The following IL1RAP variants were observed in gnomAD, a reference collection of about 807,000 sequenced individuals.
The protein encoded by IL1RAP is interleukin-1 receptor accessory protein.
A neutral mutation model predicts 60.7 loss-of-function variants in IL1RAP; 35 were observed. That is an observed-to-expected ratio of 0.58 (90% CI 0.44 to 0.76). The LOEUF is 0.76. Ranked by LOEUF, IL1RAP falls within the 30% of genes least tolerant of loss-of-function variation. The probability of loss-of-function intolerance (pLI) is 0.00; values close to 1 mark genes in which losing one functional copy is unlikely to be tolerated. For missense variants in IL1RAP, 572 were observed against 693.9 expected, an observed-to-expected ratio of 0.82 and a Z score of 1.97; for synonymous variants, 268 against 250.9, an observed-to-expected ratio of 1.07 and a Z score of -0.64.
intron 1 of IL1RAP, among the ~76,000 whole-genome samples, chr3:190,529,500 C>A (rs1396866341): frequency 6.6e-6 from 1 of 151,986 alleles, no homozygotes. Context: ...ATCTGGCCAA[C>A]ATGGTGAAAC....
At chr3:190,564,832 T>C (rs1726233417) in intron 3 of IL1RAP, among the ~76,000 whole-genome samples, 1 of 152,170 alleles carries the variant, frequency 6.6e-6, no homozygotes, top group African/African-American at 2.4e-5. Context: ...ATTCTTTCTC[T>C]GGATGTTGCT....
intron 1 of IL1RAP, among the ~76,000 whole-genome samples, chr3:190,532,326 C>G (rs1451163663): frequency 6.7e-6 from 1 of 149,502 alleles, no homozygotes; most frequent in Non-Finnish European, 1.5e-5. Context: ...GCAGTGGCAC[C>G]ATCTCGGCTC....
At chr3:190,518,795 T>C (rs556080980) in intron 1 of IL1RAP, 1 of 152,356 alleles carries the variant, frequency 6.6e-6, no homozygotes, top group Non-Finnish European at 1.5e-5. Context: ...GAGAATAGCA[T>C]GGGACAGACC....
chr3:190,568,975 A>C (rs1419024865), intron 3 of IL1RAP, among the ~76,000 whole-genome samples: 1 of 152,242 alleles, frequency 6.6e-6, no homozygotes, highest in African/African-American at 2.4e-5. Context: ...ATTCCGTGAG[A>C]GCAGAGAAAG....
intron 3 of IL1RAP, among the ~76,000 whole-genome samples, chr3:190,577,765 C>T (rs928139441): frequency 6.6e-6 from 1 of 152,056 alleles, no homozygotes; most frequent in African/African-American, 2.4e-5. Flanking sequence ...TTCCTGGCCT[C>T]AGGAGATCCT....
chr3:190,556,319 G>A (rs1405073925), intron 2 of IL1RAP, 103 bp downstream of exon 2: 1 of 151,724 alleles, frequency 6.6e-6, no homozygotes, highest in Non-Finnish European at 1.5e-5. Flanking sequence ...ACAAAACCAA[G>A]CAAAAACTTT....
chr3:190,636,479 T>C (rs928873194), intron 9 of IL1RAP, among the ~76,000 whole-genome samples: 1 of 152,156 alleles, frequency 6.6e-6, no homozygotes, highest in African/African-American at 2.4e-5. Flanking sequence ...TCTCTGTTAA[T>C]ACTCTGTGTC....
downstream of IL1RAP, among the ~76,000 whole-genome samples, chr3:190,653,074 T>C (rs1230628309): frequency 1.3e-5 from 2 of 152,232 alleles, no homozygotes; most frequent in East Asian, 3.8e-4. Context: ...AGTTAGGAGA[T>C]GGAGTGTTTT....
chr3:190,654,881 A>T (rs1156784977), downstream of IL1RAP, among the ~76,000 whole-genome samples: 1 of 152,212 alleles, frequency 6.6e-6, no homozygotes, highest in East Asian at 1.9e-4. Context: ...TAAGCATTAC[A>T]TTTATTTGAA....
Position 190,575,527 on chromosome 3 carries a change from T to C in IL1RAP, c.64+11174T>C, listed in dbSNP as rs571903392. ...ATCTATTAAAGAATATGCTATTTAA[T>C]TGAGAATTGAGGGATGAGAAAGAGC... On this transcript the variant is annotated intron_variant, in intron 3 of 11. Transcript: ENST00000447382. Among the ~76,000 whole-genome samples the C allele has an allele frequency of 5.3e-5, 8 of 152,318 alleles. No homozygotes were observed. The South Asian group carries it at 1.4e-3, about 28-fold the overall frequency.
At chr3:190,629,907 A>C in intron 9 of IL1RAP, 1 of 963,420 alleles carries the variant, frequency 1.0e-6, no homozygotes, top group Non-Finnish European at 1.2e-6. Context: ...GTCATAAAAA[A>C]GATTGCATCA....
chr3:190,527,958 TTCTC>T lies in IL1RAP; in HGVS notation c.-89+13745_-89+13748del, dbSNP rs563411832. 2.0e-3 allele frequency among the ~76,000 whole-genome samples: 307 copies of T among 152,166 alleles called. 2 individuals are homozygous for T. Among genetic ancestry groups the T allele is most frequent in the Non-Finnish European group, 3.5e-3 (235 of 67,992 alleles). On this transcript the variant is annotated intron_variant, in intron 1 of 11. Coordinates refer to ENST00000447382, the MANE Select transcript of IL1RAP (RefSeq NM_002182.4). Reference sequence around the variant, plus strand: ...AATAAATGCATTTCCTTTTTCATCTTTCTCTCTCTGAGAATGGGAACTGCTGCAG... The same window carrying T: ...AATAAATGCATTTCCTTTTTCATCTTTCTCTGAGAATGGGAACTGCTGCAG...
exon 12 of IL1RAP, chr3:190,658,146 T>TC (rs1734676406): frequency 6.8e-6 from 1 of 146,222 alleles, no homozygotes; most frequent in Non-Finnish European, 1.5e-5. Flanking sequence ...GTCCATTTTT[T>TC]TCTAAAGAAT....
intron 1 of IL1RAP, among the ~76,000 whole-genome samples, chr3:190,529,262 G>C (rs1279566914): frequency 6.6e-6 from 1 of 152,142 alleles, no homozygotes; most frequent in African/African-American, 2.4e-5. Context: ...TGGGCAGCCA[G>C]GCGCAGTGGC....
rs1723035831 is a variant in IL1RAP, at chr3:190,532,098, CTT to C, written c.-89+17880_-89+17881del. ...CACTTTCTGGTATCATGCTGCTTCT[CTT>C]GTCTTGGTTCTCACACATGAGTTTT... On this transcript the variant is annotated intron_variant, in intron 1 of 11. Coordinates refer to ENST00000447382, the MANE Select transcript of IL1RAP (RefSeq NM_002182.4). Among the ~76,000 whole-genome samples the C allele has an allele frequency of 2.6e-5, 4 of 152,182 alleles. No individual in the cohort carries two copies. In the South Asian group the frequency reaches 8.3e-4, roughly 32 times the overall value.
chr3:190,546,820 T>A (rs566709417), intron 1 of IL1RAP, among the ~76,000 whole-genome samples: 23 of 152,312 alleles, frequency 1.5e-4, no homozygotes, highest in African/African-American at 5.5e-4. Flanking sequence ...TCTGAGGCAA[T>A]GAAAATCTGT....
chr3:190,553,853 G>T (rs1725120709), intron 1 of IL1RAP, among the ~76,000 whole-genome samples: 1 of 151,860 alleles, frequency 6.6e-6, no homozygotes, highest in Admixed American at 6.6e-5. Context: ...GAGGTCAGGA[G>T]ATCGAGACCA....
intron 4 of IL1RAP, among the ~76,000 whole-genome samples, chr3:190,607,503 TAAC>T (rs1356327883): frequency 2.0e-5 from 3 of 152,078 alleles, no homozygotes; most frequent in African/African-American, 4.8e-5. Context: ...ATCTATAACA[TAAC>T]AATCTAATTT....
rs554557179 is a variant in IL1RAP, at chr3:190,529,458, C to T, written c.-89+15239C>T. 4.0e-4 allele frequency among the ~76,000 whole-genome samples: 61 copies of T among 151,920 alleles called. 1 individual carries two copies. The highest frequency in any genetic ancestry group is 1.1e-3 in the African/African-American group (47 of 41,410). ...ATCCCAGCACTTTGGGAGGCCGAGGCGGGCAGATCACGAGGTCAAGAGATC... is the reference window on the plus strand; with the variant it reads ...ATCCCAGCACTTTGGGAGGCCGAGGTGGGCAGATCACGAGGTCAAGAGATC... On this transcript the variant is annotated intron_variant, in intron 1 of 11. Transcript: ENST00000447382.
Sources: gnomAD v4.1 joint callset for allele counts (sites outside exome capture counted in the v4.1 genomes callset) on GRCh38, gnomAD v4.1.1 for gene constraint, MANE v1.5 for transcripts, NCBI Gene and HGNC (gene_info 2026-07-23, HGNC 2026-07-21) for gene names.